Variants in RIC3 observed in about 807,000 individuals in gnomAD.
RIC3 encodes protein RIC-3.
A neutral mutation model predicts 27.3 loss-of-function variants in RIC3; 28 were observed. The observed-to-expected ratio is 1.02, with a 90% confidence interval of 0.76 to 1.41. RIC3 has a LOEUF of 1.41. RIC3 is among the 40% of genes most tolerant of loss of function. RIC3 has a pLI of 0.00. For synonymous variants in RIC3, 184 were observed against 160.4 expected, an observed-to-expected ratio of 1.15 and a Z score of -1.11; for missense variants, 501 against 444.7, an observed-to-expected ratio of 1.13 and a Z score of -1.14.
chr11:8,118,147 T>C (rs576393253), intron 5 of RIC3, among the ~76,000 whole-genome samples: 200 of 141,446 alleles, frequency 1.4e-3, no homozygotes, highest in African/African-American at 5.0e-3. Flanking sequence ...GACGTGAACC[T>C]GGGAAGTGGA....
At chr11:8,094,710 A>G in the RIC3 span, among the ~76,000 whole-genome samples, 1 of 152,140 alleles carries the variant, frequency 6.6e-6, no homozygotes, top group Admixed American at 6.5e-5. Context: ...AAAGACCCCT[A>G]AAGATTAAGG....
chr11:8,155,184 G>A (rs1175605124), intron 1 of RIC3, among the ~76,000 whole-genome samples: 4 of 147,466 alleles, frequency 2.7e-5, no homozygotes, highest in East Asian at 2.0e-4. Flanking sequence ...TCACACCACC[G>A]CGTGATCAGC....
intron 1 of RIC3, among the ~76,000 whole-genome samples, chr11:8,159,217 T>C (rs760372730): frequency 2.0e-5 from 3 of 151,966 alleles, no homozygotes; most frequent in East Asian, 1.9e-4. Flanking sequence ...GAAAGGCACA[T>C]GGATATCCAA....
chr11:8,118,318 G>A (rs1281524612), intron 5 of RIC3, among the ~76,000 whole-genome samples: 1 of 150,760 alleles, frequency 6.6e-6, no homozygotes, highest in African/African-American at 2.4e-5. Flanking sequence ...CAAAATGAGG[G>A]AACAAAACTA....
rs180977865 is a variant in RIC3, at chr11:8,129,530, C to T, written c.522-2723G>A. ...AACCAGGTCCCAGTTGGCTCAGGAT[C>T]GTGAGCAACTGCATGAACAGGAAGA... On this transcript the variant is annotated intron_variant, in intron 4 of 5. Transcript: ENST00000309737. Among the ~76,000 whole-genome samples the T allele has an allele frequency of 8.6e-5, 13 of 152,004 alleles. No individual in the cohort carries two copies. The East Asian group carries it at 9.7e-4, about 11-fold the overall frequency.
chr11:8,101,232 AC>A (rs1944287270), downstream of RIC3, among the ~76,000 whole-genome samples: 1 of 152,050 alleles, frequency 6.6e-6, no homozygotes, highest in Non-Finnish European at 1.5e-5. Flanking sequence ...GCACGGGAAC[AC>A]CCTTTAAAAG....
chr11:8,100,594 C>T, the RIC3 span: 1 of 1,613,888 alleles, frequency 6.2e-7, no homozygotes, highest in Non-Finnish European at 8.5e-7. Context: ...TCTATCCGCC[C>T]CCGCAACGTG....
downstream of RIC3, chr11:8,101,402 T>C (rs925397319): frequency 9.1e-6 from 14 of 1,534,762 alleles, no homozygotes; most frequent in South Asian, 1.2e-4. Context: ...TTCCCTCATG[T>C]GGTTTGGGTG....
downstream of RIC3, chr11:8,105,107 A>G (rs889885383): frequency 1.3e-5 from 2 of 152,230 alleles, no homozygotes; most frequent in Non-Finnish European, 2.9e-5. Context: ...AGCCATTTCC[A>G]TGGCTCTGTT....
chr11:8,167,590 C>G (rs1951810101), intron 1 of RIC3, among the ~76,000 whole-genome samples: 1 of 151,168 alleles, frequency 6.6e-6, no homozygotes, highest in Non-Finnish European at 1.5e-5. Flanking sequence ...AGAGTGTCTC[C>G]CACTCACAGT....
chr11:8,164,379 A>G (rs1200634269), intron 1 of RIC3, among the ~76,000 whole-genome samples: 1 of 152,238 alleles, frequency 6.6e-6, no homozygotes, highest in East Asian at 1.9e-4. Flanking sequence ...GGGCACCATC[A>G]AGAACGTGAA....
At chr11:8,164,780 T>TC (rs1951520144) in intron 1 of RIC3, among the ~76,000 whole-genome samples, 1 of 50,470 alleles carries the variant, frequency 2.0e-5, no homozygotes, top group Non-Finnish European at 3.5e-5. Context: ...CCTGTCTCTC[T>TC]CAAAAAAAAA....
chr11:8,105,411 G>C (rs979311536), downstream of RIC3: 1 of 152,178 alleles, frequency 6.6e-6, no homozygotes, highest in South Asian at 2.1e-4. Context: ...CTAGGCTCTT[G>C]TTTGAGTTTA....
At chr11:8,093,371 G>C in the RIC3 span, among the ~76,000 whole-genome samples, 3 of 152,162 alleles carry the variant, frequency 2.0e-5, no homozygotes, top group East Asian at 3.9e-4. Flanking sequence ...GAGGTGGGGA[G>C]TATGTGTTTA....
the RIC3 span, chr11:8,097,885 T>A: frequency 1.5e-6 from 2 of 1,331,072 alleles, no homozygotes; most frequent in Admixed American, 1.7e-5. Flanking sequence ...GGGCAAGCTG[T>A]CTGTAGAGGG....
chr11:8,163,811 A>ATT (rs35000979), intron 1 of RIC3, among the ~76,000 whole-genome samples: 16 of 136,790 alleles, frequency 1.2e-4, no homozygotes, highest in African/African-American at 3.0e-4. Flanking sequence ...CCCAACTGGC[A>ATT]TTTTTTTTTT....
At chr11:8,100,964 G>T in the RIC3 span, 1 of 1,614,146 alleles carries the variant, frequency 6.2e-7, no homozygotes, top group Non-Finnish European at 8.5e-7. Flanking sequence ...ACAGGCCTCC[G>T]TGAAGAACTT....
chr11:8,161,077 G>C (rs1951119770), intron 1 of RIC3, among the ~76,000 whole-genome samples: 3 of 152,090 alleles, frequency 2.0e-5, no homozygotes. Flanking sequence ...GGGAAAGAAG[G>C]GTATGGTAAT....
chr11:8,105,592 T>C (rs988479659), downstream of RIC3: 9 of 152,162 alleles, frequency 5.9e-5, 1 homozygote, highest in Non-Finnish European at 1.3e-4. Context: ...CCACATAATC[T>C]CTCTAGGTCC....
Sources: gnomAD v4.1 joint callset for allele counts (sites outside exome capture counted in the v4.1 genomes callset) on GRCh38, gnomAD v4.1.1 for gene constraint, MANE v1.5 for transcripts, NCBI Gene and HGNC (gene_info 2026-07-23, HGNC 2026-07-21) for gene names.